The following CEMIP2 variants were observed in gnomAD, a reference collection of about 807,000 sequenced individuals.
CEMIP2 encodes cell migration inducing hyaluronidase 2, also known as cell surface hyaluronidase CEMIP2.
CEMIP2 carries 79 observed loss-of-function variants against 146.9 expected under a neutral mutation model. That is an observed-to-expected ratio of 0.54 (90% CI 0.45 to 0.65). CEMIP2 has a LOEUF of 0.65. Ranked by LOEUF, CEMIP2 falls within the 30% of genes least tolerant of loss-of-function variation. CEMIP2 has a pLI of 0.00. For synonymous variants in CEMIP2, 601 were observed against 606.3 expected, an observed-to-expected ratio of 0.99 and a Z score of 0.13; for missense variants, 1,596 against 1,696.2, an observed-to-expected ratio of 0.94 and a Z score of 1.04.
chr9:71,737,410 A>G (rs1823795068), intron 5 of CEMIP2, among the ~76,000 whole-genome samples: 1 of 151,328 alleles, frequency 6.6e-6, no homozygotes, highest in African/African-American at 2.4e-5. Flanking sequence ...TCCGTCTCAA[A>G]AAAAAAAAAA....
intron 1 of CEMIP2, among the ~76,000 whole-genome samples, chr9:71,761,187 A>G (rs1824624526): frequency 6.6e-6 from 1 of 152,248 alleles, no homozygotes; most frequent in South Asian, 2.1e-4. Flanking sequence ...AATTAAGGTT[A>G]TAGCAAAGGG....
At chr9:71,715,649 C>CT (rs1413540240) in intron 14 of CEMIP2, among the ~76,000 whole-genome samples, 1,456 of 48,802 alleles carry the variant, frequency 0.03, 33 homozygotes, top group African/African-American at 0.059. Flanking sequence ...TATATATATA[C>CT]TTTTTTTTTT....
intron 5 of CEMIP2, among the ~76,000 whole-genome samples, chr9:71,738,863 A>G (rs759023414): frequency 7.2e-5 from 11 of 152,150 alleles, no homozygotes; most frequent in Non-Finnish European, 1.2e-4. Flanking sequence ...TACTAGACAA[A>G]TAAATTTTGA....
At chr9:71,692,920 A>AATG (rs1184463489) in intron 21 of CEMIP2, among the ~76,000 whole-genome samples, 15 of 72,964 alleles carry the variant, frequency 2.1e-4, no homozygotes, top group Admixed American at 1.0e-3. Flanking sequence ...CAAACAAACA[A>AATG]ACGACAACAA....
In CEMIP2 at chr9:71,698,046, G is replaced by A. The variant is rs368687677; in HGVS notation, c.3536C>T (p.Ser1179Leu). The A allele has an allele frequency of 2.5e-6, 4 of 1,614,018 alleles. No homozygotes were observed. In the African/African-American group the frequency reaches 5.3e-5, roughly 22 times the overall value. Reference protein sequence around the residue: ...KAYPQYYRKPSVVKRMPAMLT... With the variant: ...KAYPQYYRKPLVVKRMPAMLT... ...CATGGCCGGCATCCGCTTGACCACT[G>A]ACGGCTTTCTGTAGTACTGTGGGTA... Residue 1179 changes from serine to leucine, a missense_variant, in exon 20 of 24, where the codon TCA (serine) becomes TTA (leucine). Physicochemically the swap from Ser to Leu is moderately radical, Grantham distance 145 (BLOSUM62 -2). Coordinates refer to ENST00000377044, the MANE Select transcript of CEMIP2 (RefSeq NM_013390.3).
At chr9:71,693,670 C>T (rs1463215167) in intron 21 of CEMIP2, among the ~76,000 whole-genome samples, 3 of 152,082 alleles carry the variant, frequency 2.0e-5, no homozygotes, top group African/African-American at 7.2e-5. Context: ...TTATTTATAC[C>T]TCTATTGTAT....
chr9:71,707,195 A>G (rs190164702), intron 17 of CEMIP2, among the ~76,000 whole-genome samples: 2 of 152,322 alleles, frequency 1.3e-5, no homozygotes, highest in African/African-American at 4.8e-5. Context: ...TGATGGGTAA[A>G]CTTAATTTGG....
intron 5 of CEMIP2, among the ~76,000 whole-genome samples, chr9:71,737,072 C>T (rs1823780134): frequency 6.8e-6 from 1 of 147,994 alleles, no homozygotes; most frequent in Non-Finnish European, 1.5e-5. Flanking sequence ...GGGAAGATTG[C>T]TTAAGCCCAG....
chr9:71,735,354 A>C (rs1823733612), intron 5 of CEMIP2, among the ~76,000 whole-genome samples: 1 of 152,116 alleles, frequency 6.6e-6, no homozygotes, highest in African/African-American at 2.4e-5. Flanking sequence ...AACCATCCTA[A>C]TATGTGACAA....
intron 17 of CEMIP2, among the ~76,000 whole-genome samples, chr9:71,708,892 A>C (rs1332894596): frequency 6.6e-6 from 1 of 152,218 alleles, no homozygotes; most frequent in African/African-American, 2.4e-5. Context: ...CCAAAAGCAA[A>C]GGATAAAAAT....
intron 1 of CEMIP2, among the ~76,000 whole-genome samples, chr9:71,759,081 A>T (rs1824548785): frequency 6.6e-6 from 1 of 152,182 alleles, no homozygotes; most frequent in Admixed American, 6.5e-5. Context: ...TCAGAGGTAG[A>T]AGGGAAATGC....
intron 17 of CEMIP2, chr9:71,705,035 G>A (rs1822694268): frequency 5.9e-6 from 3 of 504,810 alleles, no homozygotes; most frequent in South Asian, 2.4e-5. Flanking sequence ...CTTCATCATC[G>A]CTTCCACCAC....
chr9:71,710,710 T>C (rs1314439316), intron 16 of CEMIP2, among the ~76,000 whole-genome samples: 1 of 151,928 alleles, frequency 6.6e-6, no homozygotes, highest in African/African-American at 2.4e-5. Context: ...TACGGGGAGG[T>C]CCACATGGGC....
At chr9:71,710,315 A>G (rs1444282695) in intron 16 of CEMIP2, among the ~76,000 whole-genome samples, 1 of 152,214 alleles carries the variant, frequency 6.6e-6, no homozygotes, top group African/African-American at 2.4e-5. Context: ...CCTCTCTTAA[A>G]TGCTTTTATG....
chr9:71,690,191 T>A lies in CEMIP2; in HGVS notation c.3752A>T (p.Asp1251Val). ...CAAGCGGAATGGAACGCTGCACGGA[T>A]CCACAACAAGGAGGAGGACGCCTGC... is the stretch of plus-strand genomic sequence containing the variant. ...RSAGVLLLVV[D>V]PCSVPFRLTE... Residue 1251 changes from aspartate (D) to valine (V), a missense_variant, in exon 22 of 24, where the codon GAT (aspartate) becomes GTT (valine). Physicochemically the swap from Asp to Val is radical, Grantham distance 152 (BLOSUM62 -3). Transcript: ENST00000377044. 2 of 1,614,084 alleles carry A rather than the reference T, an allele frequency of 1.2e-6. No homozygotes were observed. Among genetic ancestry groups the A allele is most frequent in the Non-Finnish European group, 1.7e-6 (2 of 1,179,988 alleles).
chr9:71,711,272 C>G (rs1340150495), intron 16 of CEMIP2, among the ~76,000 whole-genome samples: 2 of 151,892 alleles, frequency 1.3e-5, no homozygotes, highest in African/African-American at 4.8e-5. Context: ...CAGAAATAAC[C>G]CAATTTCAGC....
At chr9:71,753,614 A>T (rs1301430574) in intron 1 of CEMIP2, among the ~76,000 whole-genome samples, 3 of 152,222 alleles carry the variant, frequency 2.0e-5, no homozygotes, top group Non-Finnish European at 4.4e-5. Flanking sequence ...ATAAGAGGTA[A>T]TATAGTGTTG....
At chr9:71,719,548 G>A (rs896252908) in intron 12 of CEMIP2, among the ~76,000 whole-genome samples, 1 of 152,120 alleles carries the variant, frequency 6.6e-6, no homozygotes, top group Non-Finnish European at 1.5e-5. Context: ...GGATTATAGA[G>A]AATGGACTCT....
At chr9:71,714,169 T>C (rs1024464508) in intron 15 of CEMIP2, among the ~76,000 whole-genome samples, 2 of 152,152 alleles carry the variant, frequency 1.3e-5, no homozygotes, top group Non-Finnish European at 2.9e-5. Flanking sequence ...AGCACTCCTC[T>C]AGGGGAGTTG....
Sources: allele counts gnomAD v4.1 joint callset (sites outside exome capture counted in the v4.1 genomes callset), GRCh38; gene constraint gnomAD v4.1.1; transcripts MANE v1.5; gene names NCBI Gene and HGNC (gene_info 2026-07-23, HGNC 2026-07-21).